FGFR1: variants seen among roughly 807,000 people sequenced by gnomAD.
The protein encoded by FGFR1 is fibroblast growth factor receptor 1.
Under a neutral mutation model 93.7 loss-of-function variants are expected in FGFR1, and 18 were observed. The observed-to-expected ratio is 0.19, with a 90% CI of 0.13 to 0.28. FGFR1 has a LOEUF of 0.28. Among genes scored for constraint, FGFR1 ranks in the 10% least tolerant of loss-of-function variants. The pLI, the probability that FGFR1 is intolerant of heterozygous loss-of-function variation, is 1.00. For synonymous variants in FGFR1, 448 were observed against 429.3 expected (o/e 1.04, Z -0.54); for missense variants, 731 against 1,080.4 (o/e 0.68, Z 4.53).
intron 8 of FGFR1, among the ~76,000 whole-genome samples, chr8:38,421,012 G>A (rs1329640335): frequency 2.0e-5 from 3 of 152,162 alleles, no homozygotes; most frequent in Non-Finnish European, 4.4e-5. Context: ...AGACCCTGAC[G>A]GGCAAGCAGG....
intron 1 of FGFR1, among the ~76,000 whole-genome samples, chr8:38,460,772 A>G (rs1834210906): frequency 6.6e-6 from 1 of 152,152 alleles, no homozygotes; most frequent in South Asian, 2.1e-4. Context: ...AAACACAGTG[A>G]CACAGGCCAC....
chr8:38,416,479 T>TG (rs1222292135), intron 12 of FGFR1, among the ~76,000 whole-genome samples: 1 of 104,076 alleles, frequency 9.6e-6, no homozygotes, highest in Non-Finnish European at 1.9e-5. Flanking sequence ...TTTTTTGAGA[T>TG]GGAGTTTTGC....
chr8:38,417,162 C>A, intron 12 of FGFR1, 144 bp downstream of exon 12: 1 of 722,888 alleles, frequency 1.4e-6, no homozygotes. Flanking sequence ...GCCCAGATCC[C>A]GAGATAACAC....
chr8:38,435,947 G>T (rs1825255836), intron 2 of FGFR1, among the ~76,000 whole-genome samples: 1 of 152,232 alleles, frequency 6.6e-6, no homozygotes, highest in African/African-American at 2.4e-5. Flanking sequence ...CTTGCTTTGT[G>T]CATCTGTTTC....
chr8:38,412,720 CATAG>C lies in FGFR1; in HGVS notation c.*904_*907del, dbSNP rs1366804569. The C allele has an allele frequency of 2.6e-5, 6 of 233,374 alleles. No individual in the cohort carries two copies. Among genetic ancestry groups the C allele is most frequent in the Admixed American group, 1.7e-4 (3 of 17,750 alleles). 14.5% of individuals were successfully genotyped at this position (233,374 alleles called of 1,614,324 possible). A position where few individuals can be genotyped will look rare whatever the true frequency, so the allele number is the denominator to read the frequency against. ...ACATTCCCACCCTTTTCATACAGCC[CATAG>C]ATAAATGAAGCAGCAGCAATTTTTA... is the stretch of plus-strand genomic sequence containing the variant. On this transcript the variant is annotated 3_prime_UTR_variant, in exon 18 of 18. Transcript: ENST00000447712.
Position 38,424,355 on chromosome 8 carries a change from T to C in FGFR1, c.936+154A>G, listed in dbSNP as rs1030831577. ...CCTCTGTTACTAGTCCTGGGGGATG[T>C]GGCTAGATCCCTACTGAGATGGAGT... is the stretch of plus-strand genomic sequence containing the variant. On this transcript the variant is annotated intron_variant, in intron 7 of 17. Transcript: ENST00000447712. This position sits in a 1 kb window ranked among gnomAD's most constrained non-coding sequence, Gnocchi z 4.3. 4.8e-6 allele frequency: 4 copies of C among 832,000 alleles called. No homozygotes were observed. In the African/African-American group the frequency reaches 6.7e-5, roughly 14 times the overall value. The allele number at this position is 832,000 out of a possible 1,614,324, so 51.5% of individuals were successfully genotyped here.
chr8:38,456,742 C>CT (rs146564637), intron 2 of FGFR1, among the ~76,000 whole-genome samples: 16 of 151,160 alleles, frequency 1.1e-4, no homozygotes, highest in African/African-American at 2.7e-4. Context: ...AGTTAATTTC[C>CT]TTTTTTTTTG....
intron 2 of FGFR1, among the ~76,000 whole-genome samples, chr8:38,449,126 A>G (rs1210941843): frequency 6.6e-6 from 1 of 152,088 alleles, no homozygotes; most frequent in African/African-American, 2.4e-5. Context: ...ACACAGAAAA[A>G]AGAAAAAGAG....
intron 12 of FGFR1, 75 bp from the exon 13 acceptor site, chr8:38,416,135 C>A (rs1468182555): frequency 7.4e-7 from 1 of 1,345,390 alleles, no homozygotes; most frequent in Non-Finnish European, 1.0e-6. Context: ...AGAAACCCCA[C>A]CCCCAGCAGC....
In FGFR1 at chr8:38,429,878, G is replaced by A. The variant is rs753522905; in HGVS notation, c.162C>T (p.Arg54=). The change falls in exon 3 of 18, where the codon CGC becomes CGT. Residue 54 remains arginine, a synonymous_variant. Transcript: ENST00000447712. The surrounding 1 kb of genome is among the most constrained non-coding windows in gnomAD (Gnocchi z 4.4). The part of the protein sequence containing the change: ...LVHPGDLLQL[R]CRLRDDVQSI... Reference sequence around the variant, plus strand: ...TCTGCACATCGTCCCGCAGCCGACAGCGAAGCTGCAGCAGGTCACCGGGGT... The same window carrying A: ...TCTGCACATCGTCCCGCAGCCGACAACGAAGCTGCAGCAGGTCACCGGGGT... 2 of 1,614,032 alleles carry A rather than the reference G, an allele frequency of 1.2e-6. No individual in the cohort carries two copies. Among genetic ancestry groups the A allele is most frequent in the Non-Finnish European group, 1.7e-6 (2 of 1,180,018 alleles).
intron 2 of FGFR1, among the ~76,000 whole-genome samples, chr8:38,448,371 G>A (rs55870128): frequency 1.9e-4 from 28 of 149,934 alleles, no homozygotes; most frequent in Admixed American, 7.4e-4. Flanking sequence ...CTTCCGCCTC[G>A]CGGGTTCAAG....
At position 38,413,635 on chromosome 8, in the gene FGFR1, C is replaced by T. The variant is rs747228916; in HGVS notation, c.2462G>A (p.Arg821His). 11 of 1,609,384 alleles carry T rather than the reference C, an allele frequency of 6.8e-6. No homozygotes were observed. Among genetic ancestry groups the T allele is most frequent in the East Asian group, 2.2e-5 (1 of 44,728 alleles). Residue 821 changes from arginine to histidine, a missense_variant, in exon 18 of 18, where the codon CGC becomes CAC. Arg to His is a conservative substitution (Grantham distance 29). Around this residue, in one of 10 missense-constraint regions of FGFR1, gnomAD observed 79 missense variants for 97.2 expected, o/e 0.81. Coordinates refer to ENST00000447712, the MANE Select transcript of FGFR1 (RefSeq NM_023110.3). This position sits in a 1 kb window ranked among gnomAD's most constrained non-coding sequence, Gnocchi z 4.2. ...PAQLANGGLKRR is the reference protein window; with the variant it reads ...PAQLANGGLKHR The stretch of plus-strand genomic sequence containing the variant: ...AGGGCGTGTGGGTGGCAGTCAGCGG[C>T]GTTTGAGTCCGCCATTGGCAAGCTG...
rs911054158 is a variant in FGFR1 at position 38,422,033 on chromosome 8, A to T, written c.937-92T>A. The T allele has an allele frequency of 4.2e-5, 61 of 1,442,432 alleles. No individual in the cohort carries two copies. In the Middle Eastern group the frequency reaches 5.2e-4, roughly 12 times the overall value. The allele number at this position is 1,442,432 out of a possible 1,614,324, so 89.4% of individuals were successfully genotyped here. A position where few individuals can be genotyped will look rare whatever the true frequency, so the allele number is the denominator to read the frequency against. On this transcript the variant is annotated intron_variant, in intron 7 of 17. Coordinates refer to ENST00000447712, the MANE Select transcript of FGFR1 (RefSeq NM_023110.3). ...AGGGAAGGAGACAGAAAGAAGGGGG[A>T]CTAGAGGAAGAAATGCTCCCTGACA...
intron 7 of FGFR1, 96 bp from the exon 8 acceptor site, chr8:38,422,037 G>T: frequency 7.1e-7 from 1 of 1,413,496 alleles, no homozygotes; most frequent in Non-Finnish European, 9.8e-7. Flanking sequence ...AGGGGGACTA[G>T]AGGAAGAAAT....
At chr8:38,417,749 C>T (rs987407748) in intron 11 of FGFR1, 121 bp downstream of exon 11, 19 of 1,411,970 alleles carry the variant, frequency 1.3e-5, no homozygotes, top group Non-Finnish European at 1.9e-5. Flanking sequence ...TAACCCCAAG[C>T]AGGCAGCGGA....
rs760780809 is a variant in FGFR1, at chr8:38,429,795, G to C, written c.245C>G (p.Thr82Arg). 15 of 1,612,916 alleles carry C rather than the reference G, an allele frequency of 9.3e-6. No homozygotes were observed. The highest frequency in any genetic ancestry group is 1.3e-5 in the Non-Finnish European group (15 of 1,179,616). ...GTCCTGCACCTCCACCTCCTCCCCT[G>C]TGATGCGGGTGCGGTTGCTTTCCGC... ...QLAESNRTRI[T>R]GEEVEVQDSV... Residue 82 changes from threonine to arginine, a missense_variant, in exon 3 of 18, where the codon ACA becomes AGA. By Grantham distance (71) the Thr-to-Arg change is moderately conservative. Coordinates refer to ENST00000447712, the MANE Select transcript of FGFR1 (RefSeq NM_023110.3). This position sits in a 1 kb window ranked among gnomAD's most constrained non-coding sequence, Gnocchi z 4.4.
Position 38,413,564 on chromosome 8 carries a change from A to G in FGFR1, c.*64T>C. On this transcript the variant is annotated 3_prime_UTR_variant, in exon 18 of 18. Coordinates refer to ENST00000447712, the MANE Select transcript of FGFR1 (RefSeq NM_023110.3). The surrounding 1 kb of genome is among the most constrained non-coding windows in gnomAD (Gnocchi z 4.2). ...ACAGGGACGGACAGGTGGTGGGCCC[A>G]GCAGGGGCTGTGGGTGAGGGTTACA... The G allele has an allele frequency of 2.0e-6, 3 of 1,527,970 alleles. No individual in the cohort carries two copies. Among genetic ancestry groups the G allele is most frequent in the East Asian group, 4.7e-5 (2 of 42,990 alleles). 94.7% of individuals were successfully genotyped at this position (1,527,970 alleles called of 1,614,324 possible).
intron 16 of FGFR1, 36 bp from the exon 17 acceptor site, chr8:38,414,059 GA>G: frequency 6.2e-7 from 1 of 1,613,758 alleles, no homozygotes; most frequent in South Asian, 1.1e-5. Context: ...ACGTCTCCTG[GA>G]GATGGATACT....
intron 9 of FGFR1, 155 bp from the exon 10 acceptor site, chr8:38,418,528 C>G (rs1487681762): frequency 1.1e-5 from 10 of 875,420 alleles, no homozygotes; most frequent in Non-Finnish European, 1.4e-5. Context: ...CCATGGTAGG[C>G]CAGGAGGCCC....
Sources: gnomAD v4.1 joint callset for allele counts (sites outside exome capture counted in the v4.1 genomes callset) on GRCh38, gnomAD v4.1.1 for gene constraint, gnomAD v4.1.1 regional missense constraint, Gnocchi (gnomAD v3.1) non-coding constraint, MANE v1.5 for transcripts, NCBI Gene and HGNC (gene_info 2026-07-23, HGNC 2026-07-21) for gene names.